The following TOR1AIP2 variants were observed in gnomAD, a reference collection of about 807,000 sequenced individuals.
TOR1AIP2 encodes the protein torsin 1A interacting protein 2, also known as torsin-1A-interacting protein 2.
In TOR1AIP2, 20 loss-of-function variants were observed where a neutral mutation model predicts 32.6. The observed-to-expected ratio is 0.61, with a 90% CI of 0.43 to 0.89. TOR1AIP2 has a LOEUF of 0.89. Ranked by LOEUF, TOR1AIP2 falls within the 40% of genes least tolerant of loss-of-function variation. The pLI, the probability that TOR1AIP2 is intolerant of heterozygous loss-of-function variation, is 0.00. For missense variants in TOR1AIP2, 456 were observed against 553.8 expected (o/e 0.82, Z 1.77); for synonymous variants, 214 against 210.8 (o/e 1.02, Z -0.13).
intron 3 of TOR1AIP2, chr1:179,860,589 C>G (rs1696483031): frequency 1.0e-6 from 1 of 985,270 alleles, no homozygotes; most frequent in African/African-American, 1.7e-5. Flanking sequence ...TTAGTATGTG[C>G]CATATGTTTG....
intron 3 of TOR1AIP2, among the ~76,000 whole-genome samples, chr1:179,855,125 T>C (rs1213967605): frequency 6.6e-6 from 1 of 152,170 alleles, no homozygotes; most frequent in African/African-American, 2.4e-5. Flanking sequence ...AAGACCTAAA[T>C]GTAAACAGCA....
chr1:179,846,731 A>G lies in TOR1AIP2; in HGVS notation c.753T>C (p.Ala251=). 1 of 1,614,078 alleles carries G rather than the reference A, an allele frequency of 6.2e-7. No individual in the cohort carries two copies. Among genetic ancestry groups the G allele is most frequent in the Middle Eastern group, 1.6e-4 (1 of 6,062 alleles). ...TAAACTGGGCCAAAAAGGCCTCCAA[A>G]GCTGGATTTTTGGGCACTTGCTGGG... ...SPAQQVPKNP[A]LEAFLAQFSQ... Residue 251 remains alanine, a synonymous_variant, in exon 7 of 7, where the codon GCT becomes GCC. Coordinates refer to ENST00000609928, the MANE Select transcript of TOR1AIP2 (RefSeq NM_001199260.2).
At chr1:179,867,020 A>G (rs1160420400) in intron 2 of TOR1AIP2, among the ~76,000 whole-genome samples, 1 of 152,168 alleles carries the variant, frequency 6.6e-6, no homozygotes, top group Non-Finnish European at 1.5e-5. Context: ...GAGTAATAAG[A>G]GACGCTGGGG....
chr1:179,846,145 A>C lies in TOR1AIP2; in HGVS notation c.1339T>G (p.Trp447Gly). ...AGTACCAGGTGTGAAATTCGGCTCCACAGCCCACTCAATTTGTCTGAGTCC... is the reference window on the plus strand; with the variant it reads ...AGTACCAGGTGTGAAATTCGGCTCCCCAGCCCACTCAATTTGTCTGAGTCC... The part of the protein sequence containing the change: ...HMDSDKLSGL[W>G]SRISHLVLPV... Residue 447 changes from tryptophan (W) to glycine (G), a missense_variant, in exon 7 of 7, where the codon TGG becomes GGG. Physicochemically the swap from Trp to Gly is radical, Grantham distance 184. Coordinates refer to ENST00000609928, the MANE Select transcript of TOR1AIP2 (RefSeq NM_001199260.2). 6.2e-7 allele frequency: 1 copy of C among 1,614,230 alleles called. No individual in the cohort carries two copies. Among genetic ancestry groups the C allele is most frequent in the Non-Finnish European group, 8.5e-7 (1 of 1,180,044 alleles).
intron 2 of TOR1AIP2, among the ~76,000 whole-genome samples, chr1:179,869,991 A>G (rs948166353): frequency 3.0e-4 from 46 of 152,242 alleles, no homozygotes; most frequent in African/African-American, 1.1e-3. Context: ...ATACTCTTCC[A>G]CTATGAATAA....
intron 2 of TOR1AIP2, chr1:179,874,899 T>C (rs1697135176): frequency 1.3e-5 from 2 of 152,232 alleles, no homozygotes; most frequent in South Asian, 4.1e-4. Flanking sequence ...TAGAACCCAA[T>C]ATAGCACTAT....
At chr1:179,859,053 T>G (rs1451697726) in intron 3 of TOR1AIP2, 2 of 983,378 alleles carry the variant, frequency 2.0e-6, no homozygotes, top group East Asian at 2.3e-4. Context: ...ATATCTTTAT[T>G]TTTAAACACA....
intron 3 of TOR1AIP2, among the ~76,000 whole-genome samples, chr1:179,853,355 G>A (rs115605349): frequency 6.6e-6 from 1 of 152,298 alleles, no homozygotes; most frequent in African/African-American, 2.4e-5. Flanking sequence ...TGTAAAATAT[G>A]GAGACAGATA....
chr1:179,871,289 G>T (rs1188015500), intron 2 of TOR1AIP2, among the ~76,000 whole-genome samples: 2 of 152,154 alleles, frequency 1.3e-5, no homozygotes, highest in Non-Finnish European at 2.9e-5. Context: ...GGGGTTTTGT[G>T]TATGTAAACT....
chr1:179,850,644 G>C (rs1009168277), intron 5 of TOR1AIP2, among the ~76,000 whole-genome samples: 3 of 152,228 alleles, frequency 2.0e-5, no homozygotes, highest in Admixed American at 2.0e-4. Context: ...ACTTAATATA[G>C]TGGAATGAGC....
chr1:179,864,527 G>C, intron 3 of TOR1AIP2: 1 of 1,202,042 alleles, frequency 8.3e-7, no homozygotes, highest in Non-Finnish European at 1.0e-6. Flanking sequence ...TTCCAAAACA[G>C]TTTATAGGAA....
At chr1:179,854,091 C>A (rs1186041196) in intron 3 of TOR1AIP2, among the ~76,000 whole-genome samples, 1 of 152,082 alleles carries the variant, frequency 6.6e-6, no homozygotes, top group Non-Finnish European at 1.5e-5. Context: ...CTAAAAGTTT[C>A]CTATGTACCA....
At chr1:179,854,220 T>G (rs529519884) in intron 3 of TOR1AIP2, among the ~76,000 whole-genome samples, 1 of 152,302 alleles carries the variant, frequency 6.6e-6, no homozygotes, top group South Asian at 2.1e-4. Flanking sequence ...CTTTAGACAG[T>G]GGTGAATTTT....
At chr1:179,876,047 G>GA (rs1427243997) in intron 2 of TOR1AIP2, 2 of 152,032 alleles carry the variant, frequency 1.3e-5, no homozygotes, top group Non-Finnish European at 2.9e-5. Flanking sequence ...GGAAGTTGTC[G>GA]AATCTCCAAG....
chr1:179,874,566 C>T (rs1343533425), intron 2 of TOR1AIP2: 3 of 151,978 alleles, frequency 2.0e-5, no homozygotes, highest in African/African-American at 7.3e-5. Flanking sequence ...GTTCAGAGAC[C>T]AGCCTAGGCA....
At position 179,845,243 on chromosome 1, in the gene TOR1AIP2, C is replaced by A. The variant is rs1045321390; in HGVS notation, c.*828G>T. On this transcript the variant is annotated 3_prime_UTR_variant, in exon 7 of 7. Transcript: ENST00000609928. ...GTTCCAATGAAATCTCATAGAGAAC[C>A]CCAACATATAAAACAGTTAAAAGCA... 3 of 151,932 alleles carry A rather than the reference C, an allele frequency of 2.0e-5. No individual in the cohort carries two copies. Among genetic ancestry groups the A allele is most frequent in the Non-Finnish European group, 4.4e-5 (3 of 68,008 alleles). 9.4% of individuals were successfully genotyped at this position (151,932 alleles called of 1,614,324 possible).
chr1:179,863,097 A>G (rs1169118663), intron 3 of TOR1AIP2: 1 of 234,878 alleles, frequency 4.3e-6, no homozygotes, highest in Admixed American at 6.6e-5. Flanking sequence ...GTGGTGGCGC[A>G]CACCTGTAGT....
chr1:179,846,857 A>C, intron 6 of TOR1AIP2, 29 bp from the exon 7 acceptor site: 1 of 1,551,042 alleles, frequency 6.4e-7, no homozygotes, highest in Non-Finnish European at 8.7e-7. Context: ...AGGAATAGAA[A>C]ATTACAGAGA....
chr1:179,841,806 A>C lies in TOR1AIP2; in HGVS notation c.*4265T>G, dbSNP rs1184360595. 2 of 152,252 alleles carry C rather than the reference A, an allele frequency of 1.3e-5. No homozygotes were observed. Among genetic ancestry groups the C allele is most frequent in the Non-Finnish European group, 2.9e-5 (2 of 68,042 alleles). The allele number at this position is 152,252 out of a possible 1,614,324, so 9.4% of individuals were successfully genotyped here. A position where few individuals can be genotyped will look rare whatever the true frequency, so the allele number is the denominator to read the frequency against. On this transcript the variant is annotated 3_prime_UTR_variant, in exon 7 of 7. Transcript: ENST00000609928. ...ATATGCAAATGCAGTGTTGGTGAAG[A>C]TCATCTGAATAATGATCACTTTCAC...
Sources: allele counts gnomAD v4.1 joint callset (sites outside exome capture counted in the v4.1 genomes callset), GRCh38; gene constraint gnomAD v4.1.1; transcripts MANE v1.5; gene names NCBI Gene and HGNC (gene_info 2026-07-23, HGNC 2026-07-21).